Variants in PARD3B observed in about 807,000 individuals in gnomAD.
PARD3B encodes the protein partitioning defective 3 homolog B.
In PARD3B, 103 loss-of-function variants were observed where a neutral mutation model predicts 130.2. The ratio of observed to expected loss-of-function variants is 0.79; its 90% CI spans 0.67 to 0.93. The LOEUF (loss-of-function observed/expected upper bound fraction) is 0.93, where lower values mean the gene tolerates loss of function less well. PARD3B is among the 40% of genes least tolerant of loss of function. The pLI, the probability that PARD3B is intolerant of heterozygous loss-of-function variation, is 0.00. For missense variants in PARD3B, 1,609 were observed against 1,499.2 expected (o/e 1.07, Z -1.21); for synonymous variants, 583 against 553.2 (o/e 1.05, Z -0.76).
chr2:204,697,121 A>G (rs1274287385), intron 2 of PARD3B, among the ~76,000 whole-genome samples: 1 of 152,126 alleles, frequency 6.6e-6, no homozygotes, highest in African/African-American at 2.4e-5. Context: ...TTCTTAATTG[A>G]TAACAGGGAT....
intron 20 of PARD3B, among the ~76,000 whole-genome samples, chr2:205,453,536 G>A (rs13432688): frequency 2.6e-5 from 4 of 152,066 alleles, no homozygotes; most frequent in Non-Finnish European, 5.9e-5. Flanking sequence ...CTATTTCACC[G>A]ATGAAAAACT....
Position 204,588,915 on chromosome 2 carries a change from T to A in PARD3B, c.120+42796T>A, listed in dbSNP as rs1230131186. Reference sequence around the variant, plus strand: ...CAAATCCTCTTTTCCTCAACATCCCTCCTAAAATGTGGTTTCAAGGTGGCT... The same window carrying A: ...CAAATCCTCTTTTCCTCAACATCCCACCTAAAATGTGGTTTCAAGGTGGCT... On this transcript the variant is annotated intron_variant, in intron 1 of 22. Transcript: ENST00000406610. Among the ~76,000 whole-genome samples the A allele has an allele frequency of 3.3e-5, 5 of 152,076 alleles. No individual in the cohort carries two copies. In the East Asian group the frequency reaches 7.7e-4, roughly 23 times the overall value.
At chr2:204,739,233 A>G (rs2039890989) in intron 2 of PARD3B, among the ~76,000 whole-genome samples, 1 of 152,120 alleles carries the variant, frequency 6.6e-6, no homozygotes, top group Non-Finnish European at 1.5e-5. Context: ...CTACTCATTC[A>G]TTGGAATGTG....
rs58267787 is a variant in PARD3B, at chr2:205,178,143, T to TAAAAAAAAAAAAA, written c.1924+1589_1924+1601dup. On this transcript the variant is annotated intron_variant, in intron 13 of 22. Transcript: ENST00000406610. ...CAACATGGCAAAATCCCATCTGTAC[T>TAAAAAAAAAAAAA]AAAAAAAAAAAAAAAAAAAAAAAAA... Among the ~76,000 whole-genome samples the TAAAAAAAAAAAAA allele has an allele frequency of 3.4e-4, 7 of 20,786 alleles. 1 individual carries two copies. Among genetic ancestry groups the TAAAAAAAAAAAAA allele is most frequent in the Admixed American group, 1.2e-3 (1 of 818 alleles). 13.6% of individuals were successfully genotyped at this position (20,786 alleles called of 152,430 possible). A position where few individuals can be genotyped will look rare whatever the true frequency, so the allele number is the denominator to read the frequency against.
intron 10 of PARD3B, among the ~76,000 whole-genome samples, chr2:205,137,604 G>T (rs371762601): frequency 6.6e-6 from 1 of 152,158 alleles, no homozygotes; most frequent in South Asian, 2.1e-4. Flanking sequence ...ATTATTTCTC[G>T]CAGTTCTGTG....
intron 1 of PARD3B, among the ~76,000 whole-genome samples, chr2:204,595,020 A>C (rs970419318): frequency 6.6e-6 from 1 of 152,106 alleles, no homozygotes; most frequent in South Asian, 2.1e-4. Context: ...TCTACTTTAT[A>C]AAGTAGACCC....
chr2:205,009,243 G>A (rs569848160), intron 3 of PARD3B, among the ~76,000 whole-genome samples: 100 of 152,202 alleles, frequency 6.6e-4, no homozygotes, highest in East Asian at 3.9e-4. Flanking sequence ...ACTAGAGTTC[G>A]AAATGTTTTG....
intron 20 of PARD3B, among the ~76,000 whole-genome samples, chr2:205,485,955 A>C (rs1027273417): frequency 6.6e-6 from 1 of 152,160 alleles, no homozygotes; most frequent in East Asian, 1.9e-4. Context: ...GCCACATTGC[A>C]CTGTCATTAT....
chr2:204,864,534 C>T (rs529214575), intron 2 of PARD3B, among the ~76,000 whole-genome samples: 17 of 152,254 alleles, frequency 1.1e-4, no homozygotes, highest in Admixed American at 4.6e-4. Flanking sequence ...ATTAAAGTGT[C>T]CACGCAAAGT....
intron 10 of PARD3B, among the ~76,000 whole-genome samples, chr2:205,148,692 A>G (rs564639171): frequency 2.0e-5 from 3 of 152,150 alleles, no homozygotes; most frequent in African/African-American, 7.2e-5. Context: ...GAATTGCCAG[A>G]TATGGCTTTT....
At chr2:205,013,792 A>C (rs1009719203) in intron 3 of PARD3B, among the ~76,000 whole-genome samples, 26 of 152,306 alleles carry the variant, frequency 1.7e-4, no homozygotes, top group Admixed American at 3.9e-4. Context: ...GCGGGTTCAC[A>C]GGGTCAAAGG....
intron 15 of PARD3B, among the ~76,000 whole-genome samples, chr2:205,236,614 A>C (rs1338343159): frequency 4.6e-5 from 7 of 152,192 alleles, no homozygotes; most frequent in Non-Finnish European, 1.0e-4. Flanking sequence ...ACTAATAAAA[A>C]TTTAGTGAAT....
At chr2:204,863,429 C>T (rs1390130184) in intron 2 of PARD3B, among the ~76,000 whole-genome samples, 1 of 152,132 alleles carries the variant, frequency 6.6e-6, no homozygotes, top group Non-Finnish European at 1.5e-5. Flanking sequence ...GACAGACACC[C>T]CTCATTCTCA....
chr2:205,087,487 T>C (rs1701808226), intron 4 of PARD3B, among the ~76,000 whole-genome samples: 1 of 152,210 alleles, frequency 6.6e-6, no homozygotes, highest in East Asian at 1.9e-4. Context: ...ATTTGATCTG[T>C]ACATTTTCTC....
At chr2:205,106,016 G>A (rs1325671912) in intron 5 of PARD3B, among the ~76,000 whole-genome samples, 1 of 151,934 alleles carries the variant, frequency 6.6e-6, no homozygotes, top group East Asian at 1.9e-4. Flanking sequence ...TATGTGAATA[G>A]CATCATAGAG....
intron 3 of PARD3B, among the ~76,000 whole-genome samples, chr2:205,026,520 G>A (rs1697043226): frequency 6.6e-6 from 1 of 152,082 alleles, no homozygotes; most frequent in African/African-American, 2.4e-5. Context: ...GTTACCATTT[G>A]TGCATGTGTC....
chr2:205,345,945 T>G (rs13013428), intron 18 of PARD3B, among the ~76,000 whole-genome samples: 1 of 61,740 alleles, frequency 1.6e-5, no homozygotes. Flanking sequence ...CCAAGGCAGG[T>G]GGATCACCTG....
chr2:205,381,481 G>A (rs969410651), intron 18 of PARD3B, among the ~76,000 whole-genome samples: 3 of 151,388 alleles, frequency 2.0e-5, no homozygotes, highest in South Asian at 2.1e-4. Context: ...TTGGAAGGTC[G>A]GAAGGTACTG....
intron 2 of PARD3B, among the ~76,000 whole-genome samples, chr2:204,812,960 C>A (rs2043013844): frequency 6.6e-6 from 1 of 152,136 alleles, no homozygotes; most frequent in African/African-American, 2.4e-5. Flanking sequence ...ACACATTCAC[C>A]TATTGATAGA....
Sources: allele counts gnomAD v4.1 joint callset (sites outside exome capture counted in the v4.1 genomes callset), GRCh38; gene constraint gnomAD v4.1.1; transcripts MANE v1.5; gene names NCBI Gene and HGNC (gene_info 2026-07-23, HGNC 2026-07-21).